The following SERPINA10 variants were observed in gnomAD, a reference collection of about 807,000 sequenced individuals.
The protein encoded by SERPINA10 is protein Z-dependent protease inhibitor.
In SERPINA10, 24 loss-of-function variants were observed where a neutral mutation model predicts 28.0. That is an observed-to-expected ratio of 0.86 (90% CI 0.62 to 1.20). The LOEUF is 1.20. Ranked by LOEUF, SERPINA10 falls within the 50% of genes most tolerant of loss-of-function variation. The probability of loss-of-function intolerance (pLI) is 0.00; values close to 1 mark genes in which losing one functional copy is unlikely to be tolerated. For synonymous variants in SERPINA10, 207 were observed against 203.9 expected (o/e 1.02, Z -0.13); for missense variants, 521 against 537.7 (o/e 0.97, Z 0.31).
chr14:94,290,481 G>T lies in SERPINA10; in HGVS notation c.113C>A (p.Thr38Asn). The change falls in exon 2 of 5, where the codon ACC becomes AAC. Residue 38 changes from threonine (T) to asparagine (N), a missense_variant. Coordinates refer to ENST00000261994, the MANE Select transcript of SERPINA10 (RefSeq NM_001100607.3). Reference protein sequence around the residue: ...SPETPAPQNQTSRVVQAPKEE... With the variant: ...SPETPAPQNQNSRVVQAPKEE... ...CTTGGGAGCCTGCACTACCCTGCTGGTCTGGTTCTGAGGGGCTGGGGTCTC... is the reference window on the plus strand; with the variant it reads ...CTTGGGAGCCTGCACTACCCTGCTGTTCTGGTTCTGAGGGGCTGGGGTCTC... The T allele has an allele frequency of 5.0e-6, 8 of 1,613,704 alleles. No homozygotes were observed. The highest frequency in any genetic ancestry group is 6.8e-6 in the Non-Finnish European group (8 of 1,179,858).
intron 4 of SERPINA10, among the ~76,000 whole-genome samples, chr14:94,285,421 A>G (rs1894993605): frequency 6.6e-6 from 1 of 151,914 alleles, no homozygotes; most frequent in African/African-American, 2.4e-5. Flanking sequence ...ACCAAAAAGT[A>G]TGAATCAGAA....
chr14:94,290,945 A>G (rs1895161656), intron 1 of SERPINA10, among the ~76,000 whole-genome samples: 1 of 152,086 alleles, frequency 6.6e-6, no homozygotes, highest in South Asian at 2.1e-4. Context: ...CCACTCTGGG[A>G]GCAGGAGGCA....
chr14:94,290,356 A>T lies in SERPINA10; in HGVS notation c.238T>A (p.Ser80Thr), dbSNP rs1472184826. ...CGCAGCAGGCTGAATCCGAAGTTTG[A>T]AGTCTCCTTGGCAAGCTGCTGCCTG... is the stretch of plus-strand genomic sequence containing the variant. ...ASRQQLAKET[S>T]NFGFSLLRKI... Residue 80 changes from serine to threonine, a missense_variant, in exon 2 of 5, where the codon TCA becomes ACA. By Grantham distance (58) the Ser-to-Thr change is moderately conservative. Transcript: ENST00000261994. 6.2e-7 allele frequency: 1 copy of T among 1,614,166 alleles called. No homozygotes were observed. Among genetic ancestry groups the T allele is most frequent in the South Asian group, 1.1e-5 (1 of 91,082 alleles).
rs956764472 is a variant in SERPINA10, at chr14:94,281,452, C to A, written c.*2513G>T. 3 of 152,232 alleles carry A rather than the reference C, an allele frequency of 2.0e-5. No individual in the cohort carries two copies. The highest frequency in any genetic ancestry group is 4.4e-5 in the Non-Finnish European group (3 of 68,172). 9.4% of individuals were successfully genotyped at this position (152,232 alleles called of 1,614,324 possible). The stretch of plus-strand genomic sequence containing the variant: ...CTCTGTCTCAAAACAAAAACAAAAA[C>A]AAAAACAAAAACTCGACACATATAT... On this transcript the variant is annotated 3_prime_UTR_variant, in exon 5 of 5. Coordinates refer to ENST00000261994, the MANE Select transcript of SERPINA10 (RefSeq NM_001100607.3).
chr14:94,283,728 G>A lies in SERPINA10; in HGVS notation c.*237C>T, dbSNP rs1459546315. 1 of 563,624 alleles carries A rather than the reference G, an allele frequency of 1.8e-6. No individual in the cohort carries two copies. Among genetic ancestry groups the A allele is most frequent in the East Asian group, 2.9e-5 (1 of 34,244 alleles). The allele number at this position is 563,624 out of a possible 1,614,324, so 34.9% of individuals were successfully genotyped here. On this transcript the variant is annotated 3_prime_UTR_variant, in exon 5 of 5. Transcript: ENST00000261994. The stretch of plus-strand genomic sequence containing the variant: ...TAAACTTTATCATAGGTATGTATGT[G>A]TAGGAAAAAATATATATAAGGTTCA...
In SERPINA10 at chr14:94,286,163, G is replaced by T. The variant is rs752563180; in HGVS notation, c.1088C>A (p.Pro363His). 1 of 1,614,098 alleles carries T rather than the reference G, an allele frequency of 6.2e-7. No homozygotes were observed. ...TGAGAGTTCACTAAGGTCAGCAAAGGGTGAGAAGATTCTTCTGATTCCCAT... is the reference window on the plus strand; with the variant it reads ...TGAGAGTTCACTAAGGTCAGCAAAGTGTGAGAAGATTCTTCTGATTCCCAT... Reference protein sequence around the residue: ...RQMGIRRIFSPFADLSELSAT... With the variant: ...RQMGIRRIFSHFADLSELSAT... Residue 363 changes from proline (P) to histidine (H), a missense_variant, in exon 4 of 5, where the codon CCC becomes CAC. Physicochemically the swap from Pro to His is moderately conservative, Grantham distance 77 (BLOSUM62 -2). Transcript: ENST00000261994.
intron 1 of SERPINA10, chr14:94,292,515 T>A: frequency 2.9e-6 from 2 of 692,854 alleles, no homozygotes. Context: ...CACAGAATAC[T>A]CCTGAATTCA....
At position 94,290,444 on chromosome 14, in the gene SERPINA10, T is replaced by A; in HGVS notation, c.150A>T (p.Glu50Asp). The A allele has an allele frequency of 1.9e-6, 3 of 1,613,656 alleles. No individual in the cohort carries two copies. Among genetic ancestry groups the A allele is most frequent in the Non-Finnish European group, 2.5e-6 (3 of 1,179,706 alleles). Residue 50 changes from glutamate (E) to aspartate (D), a missense_variant, in exon 2 of 5, where the codon GAA (glutamate) becomes GAT (aspartate). Physicochemically the swap from Glu to Asp is conservative, Grantham distance 45. Coordinates refer to ENST00000261994, the MANE Select transcript of SERPINA10 (RefSeq NM_001100607.3). ...RVVQAPKEEE[E>D]DEQEASEEKA... ...TCTCCTCGCTGGCCTCCTGCTCATC[T>A]TCCTCTTCCTCCTTGGGAGCCTGCA...
At chr14:94,285,768 A>T (rs542716785) in intron 4 of SERPINA10, among the ~76,000 whole-genome samples, 1 of 152,104 alleles carries the variant, frequency 6.6e-6, no homozygotes. Context: ...GGTTTGTTTC[A>T]TTGTAAAGGT....
intron 2 of SERPINA10, among the ~76,000 whole-genome samples, chr14:94,289,395 T>C (rs1207992123): frequency 6.6e-6 from 1 of 152,214 alleles, no homozygotes; most frequent in Non-Finnish European, 1.5e-5. Flanking sequence ...GAAGAACAAG[T>C]AAACAATAGA....
At chr14:94,288,037 C>T (rs753787065) in intron 3 of SERPINA10, among the ~76,000 whole-genome samples, 25 of 152,162 alleles carry the variant, frequency 1.6e-4, no homozygotes, top group Non-Finnish European at 1.2e-4. Context: ...GCTGATGGAT[C>T]CCTGGCATCA....
At chr14:94,293,058 T>C in intron 1 of SERPINA10, 131 bp downstream of exon 1, 1 of 222,334 alleles carries the variant, frequency 4.5e-6, no homozygotes. Context: ...CTGTGGAGTG[T>C]AGGATGGAGG....
At chr14:94,289,631 T>C (rs1895110042) in intron 2 of SERPINA10, among the ~76,000 whole-genome samples, 2 of 152,038 alleles carry the variant, frequency 1.3e-5, no homozygotes, top group South Asian at 4.1e-4. Flanking sequence ...CTTCTAAGTG[T>C]CAGAGGGGAG....
intron 3 of SERPINA10, among the ~76,000 whole-genome samples, chr14:94,287,759 A>T (rs545028766): frequency 9.9e-5 from 15 of 152,232 alleles, no homozygotes; most frequent in African/African-American, 3.1e-4. Context: ...CTTCAAACCC[A>T]CCAGGTACAC....
intron 4 of SERPINA10, among the ~76,000 whole-genome samples, chr14:94,284,376 G>A (rs996332813): frequency 1.3e-5 from 2 of 152,200 alleles, no homozygotes; most frequent in Non-Finnish European, 2.9e-5. Context: ...AACCCAATGT[G>A]AAGTATTGTG....
At position 94,286,132 on chromosome 14, in the gene SERPINA10, A is replaced by C. The variant is rs773598124; in HGVS notation, c.1119T>G (p.Thr373=). The C allele has an allele frequency of 6.2e-7, 1 of 1,614,154 alleles. No individual in the cohort carries two copies. Among genetic ancestry groups the C allele is most frequent in the Admixed American group, 1.7e-5 (1 of 60,010 alleles). The change falls in exon 4 of 5, where the codon ACT becomes ACG. Residue 373 remains threonine, a synonymous_variant. Coordinates refer to ENST00000261994, the MANE Select transcript of SERPINA10 (RefSeq NM_001100607.3). ...CCCTGGATACTTGGAGATTTCTTCC[A>C]GTAGCTGAGAGTTCACTAAGGTCAG... ...PFADLSELSA[T]GRNLQVSRVL... is the part of the protein sequence containing the mutation.
Position 94,290,419 on chromosome 14 carries a change from T to C in SERPINA10, c.175A>G (p.Lys59Glu). The stretch of plus-strand genomic sequence containing the variant: ...CAGGCTTTCTCTTCCTCACTGGCCT[T>C]CTCCTCGCTGGCCTCCTGCTCATCT... The part of the protein sequence containing the change: ...EEDEQEASEE[K>E]ASEEEKAWLM... Residue 59 changes from lysine (K) to glutamate (E), a missense_variant, in exon 2 of 5, where the codon AAG (lysine) becomes GAG (glutamate). Lys to Glu is a moderately conservative substitution (Grantham distance 56). Coordinates refer to ENST00000261994, the MANE Select transcript of SERPINA10 (RefSeq NM_001100607.3). The C allele has an allele frequency of 2.5e-6, 4 of 1,613,838 alleles. No homozygotes were observed. The highest frequency in any genetic ancestry group is 3.4e-6 in the Non-Finnish European group (4 of 1,179,914).
chr14:94,292,563 C>G (rs1480737375), intron 1 of SERPINA10: 1 of 700,890 alleles, frequency 1.4e-6, no homozygotes, highest in Non-Finnish European at 2.6e-6. Flanking sequence ...GGAAATTAGC[C>G]CAGCACGCCA....
In SERPINA10 at chr14:94,290,117, G is replaced by A. The variant is rs759778038; in HGVS notation, c.477C>T (p.Gly159=). ...RETLSRNLEL[G]LTQGSFAFIH... Reference sequence around the variant, plus strand: ...TGAAGGCAAAACTCCCCTGTGTGAGGCCCAGTTCCAGGTTGCGGGAGAGGG... The same window carrying A: ...TGAAGGCAAAACTCCCCTGTGTGAGACCCAGTTCCAGGTTGCGGGAGAGGG... Residue 159 remains glycine, a synonymous_variant, in exon 2 of 5, where the codon GGC becomes GGT. Coordinates refer to ENST00000261994, the MANE Select transcript of SERPINA10 (RefSeq NM_001100607.3). The A allele has an allele frequency of 2.5e-6, 4 of 1,614,160 alleles. No homozygotes were observed. The South Asian group carries it at 3.3e-5, about 13-fold the overall frequency.
Sources: gnomAD v4.1 joint callset for allele counts (sites outside exome capture counted in the v4.1 genomes callset) on GRCh38, gnomAD v4.1.1 for gene constraint, MANE v1.5 for transcripts, NCBI Gene and HGNC (gene_info 2026-07-23, HGNC 2026-07-21) for gene names.